The following TLE1 variants were observed in gnomAD, a reference collection of about 807,000 sequenced individuals.
TLE1 encodes transducin-like enhancer protein 1.
Under a neutral mutation model 89.8 loss-of-function variants are expected in TLE1, and 21 were observed. That is an observed-to-expected ratio of 0.23 (90% confidence interval 0.17 to 0.34). TLE1 has a LOEUF of 0.34. Ranked by LOEUF, TLE1 falls within the 10% of genes least tolerant of loss-of-function variation. The probability of loss-of-function intolerance (pLI) is 1.00; values close to 1 mark genes in which losing one functional copy is unlikely to be tolerated. For missense variants in TLE1, 795 were observed against 1,031.2 expected (o/e 0.77, Z 3.14); for synonymous variants, 447 against 407.6 (o/e 1.10, Z -1.16).
At chr9:81,593,371 AAAAGG>A (rs1829808779) in intron 14 of TLE1, 97 bp from the exon 15 acceptor site, 6 of 1,406,146 alleles carry the variant, frequency 4.3e-6, no homozygotes, top group Non-Finnish European at 5.7e-6. Flanking sequence ...AAAGATGAAA[AAAAGG>A]AAAGATTCTC....
chr9:81,673,907 T>TG (rs1323473036), intron 4 of TLE1, among the ~76,000 whole-genome samples: 1 of 152,192 alleles, frequency 6.6e-6, no homozygotes, highest in Non-Finnish European at 1.5e-5. Context: ...GCATGGGGCC[T>TG]GGATGCCCTT....
At chr9:81,678,106 G>GT (rs1262730723) in intron 4 of TLE1, among the ~76,000 whole-genome samples, 1 of 152,160 alleles carries the variant, frequency 6.6e-6, no homozygotes, top group African/African-American at 2.4e-5. Flanking sequence ...ATAAATAGCT[G>GT]TTTTTTATAC....
In TLE1 at chr9:81,611,875, T is replaced by A. The variant is rs1231398329; in HGVS notation, c.1148A>T (p.Glu383Val). 2.6e-6 allele frequency: 4 copies of A among 1,553,474 alleles called. No individual in the cohort carries two copies. Among genetic ancestry groups the A allele is most frequent in the Non-Finnish European group, 3.5e-6 (4 of 1,153,098 alleles). The change falls in exon 13 of 20, where the codon GAG (glutamate) becomes GTG (valine). Residue 383 changes from glutamate (E) to valine (V), a missense_variant. Physicochemically the swap from Glu to Val is moderately radical, Grantham distance 121. Transcript: ENST00000376499. The part of the protein sequence containing the change: ...GMVPHAGMNG[E>V]LTSPGAAYAS... ...GTAGGCAGCGCCTGGGCTGGTCAGC[T>A]CGCCGTTCATGCCAGCGTGGGGGAC...
Position 81,584,153 on chromosome 9 carries a change from C to T in TLE1, c.*45G>A, listed in dbSNP as rs1037882066. On this transcript the variant is annotated 3_prime_UTR_variant, in exon 20 of 20. Transcript: ENST00000376499. ...CTTTTCTATTTCTATAAATTCGAAA[C>T]ATTTTGGCCCAATTCAACTATAAAC... The T allele has an allele frequency of 6.6e-7, 1 of 1,511,280 alleles. No homozygotes were observed. The highest frequency in any genetic ancestry group is 1.1e-5 in the South Asian group (1 of 87,672). 93.6% of individuals were successfully genotyped at this position (1,511,280 alleles called of 1,614,324 possible).
chr9:81,672,322 A>AATT (rs534539630), intron 4 of TLE1, among the ~76,000 whole-genome samples: 2,232 of 150,412 alleles, frequency 0.015, 34 homozygotes, highest in African/African-American at 0.035. Flanking sequence ...CCCTGCAATA[A>AATT]ATTATTATTA....
chr9:81,632,066 G>C (rs1826694019), intron 8 of TLE1, among the ~76,000 whole-genome samples: 1 of 152,092 alleles, frequency 6.6e-6, no homozygotes, highest in Non-Finnish European at 1.5e-5. Context: ...CCCCAGCCTG[G>C]GTGACAGAGC....
intron 4 of TLE1, among the ~76,000 whole-genome samples, chr9:81,668,305 G>A (rs1202426209): frequency 6.6e-6 from 1 of 152,094 alleles, no homozygotes; most frequent in Non-Finnish European, 1.5e-5. Flanking sequence ...TTTCTCAAAA[G>A]CATTTTAGTC....
At chr9:81,684,759 G>A (rs958114129) in intron 4 of TLE1, among the ~76,000 whole-genome samples, 2 of 152,140 alleles carry the variant, frequency 1.3e-5, no homozygotes, top group African/African-American at 4.8e-5. Flanking sequence ...AGAGGCAATC[G>A]ATTTCTAAAA....
intron 4 of TLE1, among the ~76,000 whole-genome samples, chr9:81,671,510 T>C (rs1832219123): frequency 6.6e-6 from 1 of 152,034 alleles, no homozygotes; most frequent in South Asian, 2.1e-4. Context: ...CAGGGCGTGG[T>C]GGCATGTGCC....
intron 6 of TLE1, among the ~76,000 whole-genome samples, chr9:81,640,601 T>G (rs1827983335): frequency 1.3e-5 from 2 of 152,178 alleles, no homozygotes; most frequent in South Asian, 4.1e-4. Context: ...AACCCTGAGT[T>G]AATGATACTG....
chr9:81,658,881 CTTTAT>C (rs996023957), intron 4 of TLE1, among the ~76,000 whole-genome samples: 3 of 151,958 alleles, frequency 2.0e-5, no homozygotes, highest in East Asian at 1.9e-4. Context: ...CTCGTAGTGA[CTTTAT>C]TTTATTTATG....
chr9:81,599,995 T>G, intron 14 of TLE1: 2 of 641,164 alleles, frequency 3.1e-6, no homozygotes, highest in Non-Finnish European at 5.8e-6. Flanking sequence ...TGACCTAAGT[T>G]GATAAATGAG....
intron 4 of TLE1, among the ~76,000 whole-genome samples, chr9:81,681,329 T>A (rs1370478898): frequency 6.6e-6 from 1 of 152,062 alleles, no homozygotes; most frequent in Non-Finnish European, 1.5e-5. Context: ...GCGGGGGGAA[T>A]CACTTGAGGT....
intron 4 of TLE1, among the ~76,000 whole-genome samples, chr9:81,683,822 A>T (rs1038436213): frequency 7.2e-5 from 11 of 152,146 alleles, no homozygotes; most frequent in Non-Finnish European, 1.6e-4. Context: ...TATAGCCACA[A>T]ATGCCTCACT....
At chr9:81,612,179 C>G (rs1823806909) in intron 12 of TLE1, 1 of 671,894 alleles carries the variant, frequency 1.5e-6, no homozygotes. Context: ...GGAAGCACAA[C>G]CCACACATTT....
intron 13 of TLE1, among the ~76,000 whole-genome samples, chr9:81,610,595 T>G (rs1207675929): frequency 6.6e-6 from 1 of 152,148 alleles, no homozygotes; most frequent in African/African-American, 2.4e-5. Flanking sequence ...CAGAGCAGTA[T>G]GTTGTATTAG....
At chr9:81,642,829 A>C (rs1164881852) in intron 6 of TLE1, among the ~76,000 whole-genome samples, 1 of 152,212 alleles carries the variant, frequency 6.6e-6, no homozygotes, top group Non-Finnish European at 1.5e-5. Context: ...AACAACCCAA[A>C]TGTCTGTTGA....
intron 6 of TLE1, among the ~76,000 whole-genome samples, chr9:81,638,482 A>G (rs559012574): frequency 8.5e-5 from 13 of 152,216 alleles, no homozygotes; most frequent in Admixed American, 3.3e-4. Context: ...TTTTCTCAAC[A>G]AGGCTTACCT....
chr9:81,682,326 T>C (rs960531806), intron 4 of TLE1, among the ~76,000 whole-genome samples: 6 of 151,066 alleles, frequency 4.0e-5, no homozygotes, highest in Admixed American at 6.6e-5. Context: ...CTTCAATAGA[T>C]GCGTGGCCTT....
Sources: gnomAD v4.1 joint callset for allele counts (sites outside exome capture counted in the v4.1 genomes callset) on GRCh38, gnomAD v4.1.1 for gene constraint, MANE v1.5 for transcripts, NCBI Gene and HGNC (gene_info 2026-07-23, HGNC 2026-07-21) for gene names.